Variants in MAGI1 observed in about 807,000 individuals in gnomAD.
MAGI1 encodes the protein membrane associated guanylate kinase, WW and PDZ domain containing 1, also known as membrane-associated guanylate kinase, WW and PDZ domain-containing protein 1.
Under a neutral mutation model 139.9 loss-of-function variants are expected in MAGI1, and 58 were observed. The observed-to-expected ratio is 0.41, with a 90% CI of 0.34 to 0.52. The LOEUF (loss-of-function observed/expected upper bound fraction) is 0.52, where lower values mean the gene tolerates loss of function less well. MAGI1 is among the 20% of genes least tolerant of loss of function. The pLI is 0.12. For synonymous variants in MAGI1, 812 were observed against 737.9 expected (o/e 1.10, Z -1.63); for missense variants, 1,874 against 1,901.6 (o/e 0.99, Z 0.27).
intron 2 of MAGI1, among the ~76,000 whole-genome samples, chr3:65,528,000 T>C (rs540933072): frequency 9.1e-4 from 139 of 152,272 alleles, no homozygotes; most frequent in Non-Finnish European, 5.0e-4. Context: ...AGTACTGATC[T>C]TCACATAAAA....
At chr3:65,714,471 A>C (rs2031947528) in intron 1 of MAGI1, among the ~76,000 whole-genome samples, 1 of 151,986 alleles carries the variant, frequency 6.6e-6, no homozygotes, top group Admixed American at 6.6e-5. Context: ...GCCCCTTCGA[A>C]TCACCCTCCT....
At chr3:65,660,990 C>T (rs1458560249) in intron 1 of MAGI1, among the ~76,000 whole-genome samples, 1 of 152,190 alleles carries the variant, frequency 6.6e-6, no homozygotes, top group Non-Finnish European at 1.5e-5. Flanking sequence ...CTAAACTACA[C>T]CCCAGGATTC....
intron 1 of MAGI1, among the ~76,000 whole-genome samples, chr3:65,721,711 T>C (rs1007395046): frequency 9.8e-5 from 15 of 152,310 alleles, no homozygotes; most frequent in African/African-American, 3.6e-4. Context: ...TCGAAAATAC[T>C]ACTCCTCTTA....
intron 1 of MAGI1, among the ~76,000 whole-genome samples, chr3:65,692,379 A>C (rs2088755861): frequency 6.6e-6 from 1 of 152,212 alleles, no homozygotes. Flanking sequence ...TGATGGGGAC[A>C]GAGCCTCCCC....
At chr3:65,975,087 C>A (rs2065199318) in intron 1 of MAGI1, among the ~76,000 whole-genome samples, 1 of 33,472 alleles carries the variant, frequency 3.0e-5, no homozygotes, top group Non-Finnish European at 7.5e-5. Flanking sequence ...AGGGAAATAG[C>A]TATTTAAAAA....
intron 1 of MAGI1, among the ~76,000 whole-genome samples, chr3:65,862,550 C>T (rs2059590657): frequency 6.6e-6 from 1 of 152,224 alleles, no homozygotes; most frequent in African/African-American, 2.4e-5. Context: ...GTTTCTATTC[C>T]ACAGCCTCAC....
At chr3:65,364,800 A>C in intron 19 of MAGI1, 53 bp downstream of exon 19, 4 of 1,607,688 alleles carry the variant, frequency 2.5e-6, no homozygotes, top group Non-Finnish European at 3.4e-6. Context: ...ATATATTGTC[A>C]TGCTGGGAGT....
intron 1 of MAGI1, among the ~76,000 whole-genome samples, chr3:65,960,188 G>A (rs556704725): frequency 1.3e-5 from 2 of 152,214 alleles, no homozygotes; most frequent in South Asian, 4.1e-4. Flanking sequence ...AGCTCTGTAT[G>A]TTTCCGGAGT....
intron 1 of MAGI1, among the ~76,000 whole-genome samples, chr3:65,681,048 A>G (rs1163957204): frequency 6.6e-6 from 1 of 152,226 alleles, no homozygotes; most frequent in Non-Finnish European, 1.5e-5. Flanking sequence ...TTTAATCAAT[A>G]TCTATAGTGG....
rs555042204 is a variant in MAGI1 at position 66,023,902 on chromosome 3, G to A, written c.313+14094C>T. On this transcript the variant is annotated intron_variant, in intron 1 of 22. Transcript: ENST00000402939. ...AAGACCCGGCAGACCAGGGCCCTGG[G>A]ACAAAATATTCCAAGAATTATGATC... 9.2e-5 allele frequency among the ~76,000 whole-genome samples: 14 copies of A among 152,208 alleles called. No homozygotes were observed. The East Asian group carries it at 1.4e-3, about 15-fold the overall frequency.
Position 65,679,565 on chromosome 3 carries a change from GA to G in MAGI1, c.314-57478del, listed in dbSNP as rs140040538. 4.1e-5 allele frequency among the ~76,000 whole-genome samples: 6 copies of G among 147,964 alleles called. No individual in the cohort carries two copies. The South Asian group carries it at 1.1e-3, about 27-fold the overall frequency. ...GTGACAGAGCAAGACTCTGTCTCCG[GA>G]AAAAAAAAATAAAAAAGCCCATGGA... On this transcript the variant is annotated intron_variant, in intron 1 of 22. Transcript: ENST00000402939.
At chr3:65,494,526 A>C (rs1952281360) in intron 2 of MAGI1, among the ~76,000 whole-genome samples, 1 of 152,216 alleles carries the variant, frequency 6.6e-6, no homozygotes, top group Non-Finnish European at 1.5e-5. Context: ...AGCCTATGTT[A>C]AATATTATGA....
intron 1 of MAGI1, among the ~76,000 whole-genome samples, chr3:65,671,447 A>C (rs2086852230): frequency 6.6e-6 from 1 of 152,180 alleles, no homozygotes; most frequent in Non-Finnish European, 1.5e-5. Flanking sequence ...AGCTGGCCAA[A>C]TGCCCCCTGC....
chr3:65,848,098 A>G (rs2059071218), intron 1 of MAGI1, among the ~76,000 whole-genome samples: 1 of 152,220 alleles, frequency 6.6e-6, no homozygotes. Context: ...CCCAAAGGAC[A>G]GGAAATTCAT....
chr3:65,704,988 G>C (rs1371336142), intron 1 of MAGI1, among the ~76,000 whole-genome samples: 1 of 151,842 alleles, frequency 6.6e-6, no homozygotes, highest in East Asian at 1.9e-4. Flanking sequence ...ATTAAAAATG[G>C]CTCTGCCTGG....
intron 1 of MAGI1, among the ~76,000 whole-genome samples, chr3:65,760,304 C>A (rs1232598856): frequency 1.3e-5 from 2 of 151,658 alleles, no homozygotes; most frequent in Non-Finnish European, 2.9e-5. Context: ...TACTATTATT[C>A]TCTTTTTAAA....
chr3:65,671,498 TAAAAG>T (rs2086855846), intron 1 of MAGI1, among the ~76,000 whole-genome samples: 1 of 152,114 alleles, frequency 6.6e-6, no homozygotes, highest in Non-Finnish European at 1.5e-5. Context: ...TGCTATAAAT[TAAAAG>T]AAAGAAAGTA....
intron 1 of MAGI1, among the ~76,000 whole-genome samples, chr3:65,683,384 C>CGTACAGG (rs2087730152): frequency 1.3e-5 from 2 of 151,606 alleles, no homozygotes; most frequent in Admixed American, 6.6e-5. Context: ...AGGCTGTGCA[C>CGTACAGG]GTACAGGGGT....
chr3:65,698,351 T>C (rs1215475014), intron 1 of MAGI1, among the ~76,000 whole-genome samples: 4 of 142,930 alleles, frequency 2.8e-5, no homozygotes, highest in Non-Finnish European at 6.1e-5. Flanking sequence ...CCAATGACTT[T>C]CTTCACAGAA....
Sources: gnomAD v4.1 joint callset for allele counts (sites outside exome capture counted in the v4.1 genomes callset) on GRCh38, gnomAD v4.1.1 for gene constraint, MANE v1.5 for transcripts, NCBI Gene and HGNC (gene_info 2026-07-23, HGNC 2026-07-21) for gene names.